KCNQ2: variants seen among roughly 807,000 people sequenced by gnomAD.
KCNQ2 encodes the protein potassium voltage-gated channel subfamily KQT member 2.
Under a neutral mutation model 84.8 loss-of-function variants are expected in KCNQ2, and 14 were observed. The ratio of observed to expected loss-of-function variants is 0.17; its 90% CI spans 0.11 to 0.26. The LOEUF is 0.26. Among genes scored for constraint, KCNQ2 ranks in the 10% least tolerant of loss-of-function variants. KCNQ2 has a pLI of 1.00. For synonymous variants in KCNQ2, 599 were observed against 554.1 expected, an observed-to-expected ratio of 1.08 and a Z score of -1.14; for missense variants, 788 against 1,254.0, an observed-to-expected ratio of 0.63 and a Z score of 5.61.
rs2082238948 is a variant in KCNQ2 at position 63,472,392 on chromosome 20, G to A, written c.72C>T (p.Phe24=). The A allele has an allele frequency of 2.0e-6, 3 of 1,537,298 alleles. No individual in the cohort carries two copies. Among genetic ancestry groups the A allele is most frequent in the Admixed American group, 1.9e-5 (1 of 51,664 alleles). Residue 24 remains phenylalanine (F), a synonymous_variant, in exon 1 of 17, where the codon TTC becomes TTT. Coordinates refer to ENST00000359125, the MANE Select transcript of KCNQ2 (RefSeq NM_172107.4). Reference sequence around the variant, plus strand: ...CGGGCGCGCCGGGGTCCAGCCCCACGAAGCCCACCTTCAGCTTCTTCTCCC... The same window carrying A: ...CGGGCGCGCCGGGGTCCAGCCCCACAAAGCCCACCTTCAGCTTCTTCTCCC... ...PSGEKKLKVG[F]VGLDPGAPDS...
intron 1 of KCNQ2, among the ~76,000 whole-genome samples, chr20:63,463,511 T>C (rs1047474746): frequency 6.6e-6 from 1 of 152,082 alleles, no homozygotes; most frequent in Non-Finnish European, 1.5e-5. Flanking sequence ...AGTCCCAGCT[T>C]AGAACCCTGC....
At chr20:63,435,431 T>C (rs970646267) in intron 7 of KCNQ2, among the ~76,000 whole-genome samples, 5 of 150,374 alleles carry the variant, frequency 3.3e-5, no homozygotes, top group African/African-American at 1.2e-4. Context: ...ACGTGGAGCC[T>C]GAAGACGGGA....
At chr20:63,421,751 G>T (rs1271806535) in intron 11 of KCNQ2, among the ~76,000 whole-genome samples, 1 of 152,122 alleles carries the variant, frequency 6.6e-6, no homozygotes, top group Non-Finnish European at 1.5e-5. Flanking sequence ...TCCAGCACGG[G>T]GGCAGGAGGC....
chr20:63,458,404 G>C (rs34018948), intron 1 of KCNQ2, among the ~76,000 whole-genome samples: 25 of 151,986 alleles, frequency 1.6e-4, no homozygotes, highest in Non-Finnish European at 2.9e-4. Flanking sequence ...TCCTGCCCTC[G>C]GCAAACGCCG....
chr20:63,435,750 G>C (rs894355781), intron 7 of KCNQ2, among the ~76,000 whole-genome samples: 1 of 152,238 alleles, frequency 6.6e-6, no homozygotes, highest in Non-Finnish European at 1.5e-5. Flanking sequence ...ATCTCAACCA[G>C]TGAACGGCTG....
chr20:63,442,778 A>AT (rs2081226600), intron 4 of KCNQ2, among the ~76,000 whole-genome samples: 1 of 31,494 alleles, frequency 3.2e-5, no homozygotes, highest in Non-Finnish European at 5.8e-5. Flanking sequence ...CACCATCACC[A>AT]CCACCACCAT....
chr20:63,447,898 A>T (rs549443240), intron 1 of KCNQ2, among the ~76,000 whole-genome samples: 2 of 152,262 alleles, frequency 1.3e-5, no homozygotes, highest in East Asian at 3.9e-4. Context: ...TGCTCGGCCC[A>T]AATGCGTGAC....
chr20:63,446,727 C>A lies in KCNQ2; in HGVS notation c.387+20G>T. 1 of 1,602,926 alleles carries A rather than the reference C, an allele frequency of 6.2e-7. No individual in the cohort carries two copies. The highest frequency in any genetic ancestry group is 8.5e-7 in the Non-Finnish European group (1 of 1,170,462). On this transcript the variant is annotated intron_variant, in intron 2 of 16. Coordinates refer to ENST00000359125, the MANE Select transcript of KCNQ2 (RefSeq NM_172107.4). This position sits in a 1 kb window ranked among gnomAD's most constrained non-coding sequence, Gnocchi z 5.5. ...CTCCTTCCTGGGCACTTCCAGCCCC[C>A]GCCCTCCCTCGGGGCTCACCAGGAT... is the stretch of plus-strand genomic sequence containing the variant.
rs926129034 is a variant in KCNQ2, at chr20:63,400,823, G to A, written c.*5821C>T. 2.8e-5 allele frequency: 11 copies of A among 398,340 alleles called. No homozygotes were observed. Among genetic ancestry groups the A allele is most frequent in the East Asian group, 1.8e-4 (5 of 28,078 alleles). 24.7% of individuals were successfully genotyped at this position (398,340 alleles called of 1,614,324 possible). On this transcript the variant is annotated 3_prime_UTR_variant, in exon 17 of 17. Transcript: ENST00000359125. The surrounding 1 kb of genome is among the most constrained non-coding windows in gnomAD (Gnocchi z 8.7). ...CTCCGTGAGACCCCTCCTGCCCTGCGCGTGTCTCTGGAGCCCGTCCCTTGG... is the reference window on the plus strand; with the variant it reads ...CTCCGTGAGACCCCTCCTGCCCTGCACGTGTCTCTGGAGCCCGTCCCTTGG...
intron 12 of KCNQ2, 81 bp from the exon 13 acceptor site, chr20:63,415,207 A>G (rs1410467029): frequency 1.5e-6 from 2 of 1,297,546 alleles, no homozygotes; most frequent in Admixed American, 1.9e-5. Context: ...GTGTCTGCTC[A>G]TGGCCGACGC....
intron 1 of KCNQ2, chr20:63,448,059 A>G (rs1227593899): frequency 1.3e-5 from 2 of 152,358 alleles, no homozygotes; most frequent in South Asian, 4.1e-4. Flanking sequence ...AAGGCCACCC[A>G]CATAGAAGAG....
chr20:63,437,442 G>A (rs2081040175), intron 7 of KCNQ2: 2 of 152,236 alleles, frequency 1.3e-5, no homozygotes, highest in Non-Finnish European at 2.9e-5. Context: ...TATAGTGGAA[G>A]ATAAATACAC....
chr20:63,465,383 C>T (rs1247445275), intron 1 of KCNQ2, among the ~76,000 whole-genome samples: 1 of 152,214 alleles, frequency 6.6e-6, no homozygotes, highest in African/African-American at 2.4e-5. Flanking sequence ...CCGCCTTGTG[C>T]TGGCCGCCTC....
At chr20:63,470,986 T>C (rs1041542027) in intron 1 of KCNQ2, 5 of 152,212 alleles carry the variant, frequency 3.3e-5, no homozygotes, top group African/African-American at 7.2e-5. Flanking sequence ...GGCCTGGCAT[T>C]TCCCTCTGGG....
chr20:63,407,024 C>A lies in KCNQ2; in HGVS notation c.2239G>T (p.Ala747Ser). 6.6e-7 allele frequency: 1 copy of A among 1,523,234 alleles called. No individual in the cohort carries two copies. 94.4% of individuals were successfully genotyped at this position (1,523,234 alleles called of 1,614,324 possible). A position where few individuals can be genotyped will look rare whatever the true frequency, so the allele number is the denominator to read the frequency against. Residue 747 changes from alanine (A) to serine (S), a missense_variant, in exon 17 of 17, where the codon GCC (alanine) becomes TCC (serine). Physicochemically the swap from Ala to Ser is moderately conservative, Grantham distance 99. Transcript: ENST00000359125. This position sits in a 1 kb window ranked among gnomAD's most constrained non-coding sequence, Gnocchi z 7.2. Reference sequence around the variant, plus strand: ...TAGGCGGACAGCGACCGCTCGTGGGCAGGCGGCGGCGGGATGCGCACCAGG... The same window carrying A: ...TAGGCGGACAGCGACCGCTCGTGGGAAGGCGGCGGCGGGATGCGCACCAGG... ...GSLVRIPPPP[A>S]HERSLSAYGG...
At chr20:63,420,764 G>A (rs2080444042) in intron 11 of KCNQ2, among the ~76,000 whole-genome samples, 1 of 152,180 alleles carries the variant, frequency 6.6e-6, no homozygotes, top group Non-Finnish European at 1.5e-5. Context: ...AGACTCCAAG[G>A]GCGGGTGGCC....
Position 63,413,698 on chromosome 20 carries a change from CTT to C in KCNQ2, c.1632-119_1632-118del. On this transcript the variant is annotated intron_variant, in intron 14 of 16. Coordinates refer to ENST00000359125, the MANE Select transcript of KCNQ2 (RefSeq NM_172107.4). ...CCTGGAGATGGCTGGACTTGCCCCT[CTT>C]GTCTGCCGCCCACCAGCTCCACACA... is the stretch of plus-strand genomic sequence containing the variant. 3 of 1,110,298 alleles carry C rather than the reference CTT, an allele frequency of 2.7e-6. No homozygotes were observed. In the Admixed American group the frequency reaches 5.7e-5, roughly 21 times the overall value. 68.8% of individuals were successfully genotyped at this position (1,110,298 alleles called of 1,614,324 possible).
At chr20:63,467,957 CAGG>C (rs2082120784) in intron 1 of KCNQ2, among the ~76,000 whole-genome samples, 1 of 152,148 alleles carries the variant, frequency 6.6e-6, no homozygotes, top group Non-Finnish European at 1.5e-5. Flanking sequence ...GTGGAATGGT[CAGG>C]AGGAGAGTTT....
rs756756987 is a variant in KCNQ2, at chr20:63,438,764, A to C, written c.928-44T>G. 4.0e-6 allele frequency: 6 copies of C among 1,506,708 alleles called. No homozygotes were observed. In the African/African-American group the frequency reaches 4.5e-5, roughly 11 times the overall value. 93.3% of individuals were successfully genotyped at this position (1,506,708 alleles called of 1,614,324 possible). On this transcript the variant is annotated intron_variant, in intron 6 of 16. Transcript: ENST00000359125. The surrounding 1 kb of genome is among the most constrained non-coding windows in gnomAD (Gnocchi z 5.1). ...AGGTCACACCCCAGGGACCCCCCAC[A>C]CCCCAATTCATCAGGGTCAGACCAT...
Sources: allele counts gnomAD v4.1 joint callset (sites outside exome capture counted in the v4.1 genomes callset), GRCh38; gene constraint gnomAD v4.1.1; non-coding constraint Gnocchi (gnomAD v3.1); transcripts MANE v1.5; gene names NCBI Gene and HGNC (gene_info 2026-07-23, HGNC 2026-07-21).